The following PEX3 variants were observed in gnomAD, a reference collection of about 807,000 sequenced individuals.
PEX3 encodes the protein peroxin-3.
In PEX3, 30 loss-of-function variants were observed where a neutral mutation model predicts 55.8. That is an observed-to-expected ratio of 0.54 (90% CI 0.40 to 0.73). The LOEUF (loss-of-function observed/expected upper bound fraction) is 0.73, where lower values mean the gene tolerates loss of function less well. Among genes scored for constraint, PEX3 ranks in the 30% least tolerant of loss-of-function variants. The pLI, the probability that PEX3 is intolerant of heterozygous loss-of-function variation, is 0.00. For missense variants in PEX3, 351 were observed against 432.8 expected (o/e 0.81, Z 1.68); for synonymous variants, 135 against 148.4 (o/e 0.91, Z 0.66).
rs1780264957 is a variant in PEX3, at chr6:143,483,108, A to G, written c.942-2044A>G. 6.6e-6 allele frequency among the ~76,000 whole-genome samples: 1 copy of G among 152,142 alleles called. No homozygotes were observed. Among genetic ancestry groups the G allele is most frequent in the South Asian group, 2.1e-4 (1 of 4,828 alleles). On this transcript the variant is annotated intron_variant, in intron 10 of 11. Transcript: ENST00000367591. This position sits in a 1 kb window ranked among gnomAD's most constrained non-coding sequence, Gnocchi z 4.3. ...ACATCAGTTAAGGAAGCAAACACCT[A>G]AGGAAAGAAAAATTTTCTTTCTTAG...
chr6:143,487,352 T>C lies in PEX3; in HGVS notation c.1039-1791T>C, dbSNP rs922719230. The stretch of plus-strand genomic sequence containing the variant: ...CAAGCACCAGCTTTTGTAAGTTTTA[T>C]TGGGTGACAGCATGCCCATTGGTTT... On this transcript the variant is annotated intron_variant, in intron 11 of 11. Transcript: ENST00000367591. The surrounding 1 kb of genome is among the most constrained non-coding windows in gnomAD (Gnocchi z 5.3). Among the ~76,000 whole-genome samples the C allele has an allele frequency of 2.6e-5, 4 of 152,162 alleles. No homozygotes were observed. The highest frequency in any genetic ancestry group is 5.9e-5 in the Non-Finnish European group (4 of 67,992).
At position 143,453,326 on chromosome 6, in the gene PEX3, G is replaced by A. The variant is rs775706291; in HGVS notation, c.73+2211G>A. Among the ~76,000 whole-genome samples, 11 of 152,174 alleles carry A rather than the reference G, an allele frequency of 7.2e-5. No homozygotes were observed. In the South Asian group the frequency reaches 1.7e-3, roughly 23 times the overall value. ...CTGGGTAGTATATCAACAGGCATGCGCAGAGAAGTTTGGGCATTCAATAGT... is the reference window on the plus strand; with the variant it reads ...CTGGGTAGTATATCAACAGGCATGCACAGAGAAGTTTGGGCATTCAATAGT... On this transcript the variant is annotated intron_variant, in intron 1 of 11. Coordinates refer to ENST00000367591, the MANE Select transcript of PEX3 (RefSeq NM_003630.3). This position sits in a 1 kb window ranked among gnomAD's most constrained non-coding sequence, Gnocchi z 4.6.
chr6:143,480,597 C>T (rs1403777962), intron 10 of PEX3, among the ~76,000 whole-genome samples: 4 of 152,158 alleles, frequency 2.6e-5, no homozygotes, highest in Non-Finnish European at 5.9e-5. Flanking sequence ...TAGATATTTT[C>T]TATATAAGTT....
rs889174535 is a variant in PEX3 at position 143,450,834 on chromosome 6, C to G, written c.-209C>G. The G allele has an allele frequency of 2.6e-6, 2 of 755,168 alleles. No individual in the cohort carries two copies. Among genetic ancestry groups the G allele is most frequent in the Admixed American group, 4.5e-5 (2 of 44,544 alleles). The allele number at this position is 755,168 out of a possible 1,614,324, so 46.8% of individuals were successfully genotyped here. A position where few individuals can be genotyped will look rare whatever the true frequency, so the allele number is the denominator to read the frequency against. ...AGCGGCGGCGGCTGCGCGGCGGCAG[C>G]GGCAGAAAGCGTAGCTGCTTTGCTG... On this transcript the variant is annotated 5_prime_UTR_variant, in exon 1 of 12. Transcript: ENST00000367591.
rs1780347676 is a variant in PEX3 at position 143,488,531 on chromosome 6, A to C, written c.1039-612A>C. Among the ~76,000 whole-genome samples the C allele has an allele frequency of 6.6e-6, 1 of 152,080 alleles. No individual in the cohort carries two copies. Among genetic ancestry groups the C allele is most frequent in the Non-Finnish European group, 1.5e-5 (1 of 67,958 alleles). Reference sequence around the variant, plus strand: ...ATGCCTATGATTTCTATTGAAGACAAAGTCATACAACCTGCTAATATTATC... The same window carrying C: ...ATGCCTATGATTTCTATTGAAGACACAGTCATACAACCTGCTAATATTATC... On this transcript the variant is annotated intron_variant, in intron 11 of 11. Coordinates refer to ENST00000367591, the MANE Select transcript of PEX3 (RefSeq NM_003630.3). The surrounding 1 kb of genome is among the most constrained non-coding windows in gnomAD (Gnocchi z 4.9).
At position 143,487,659 on chromosome 6, in the gene PEX3, T is replaced by C. The variant is rs1780338842; in HGVS notation, c.1039-1484T>C. ...ATAATTTGTTGTGCCAAAGTGAATG[T>C]GGACCTGTCTGCTACTGTTCATGCT... On this transcript the variant is annotated intron_variant, in intron 11 of 11. Transcript: ENST00000367591. The surrounding 1 kb of genome is among the most constrained non-coding windows in gnomAD (Gnocchi z 5.3). Among the ~76,000 whole-genome samples the C allele has an allele frequency of 6.6e-6, 1 of 152,138 alleles. No individual in the cohort carries two copies. The highest frequency in any genetic ancestry group is 2.1e-4 in the South Asian group (1 of 4,832).
intron 9 of PEX3, among the ~76,000 whole-genome samples, chr6:143,477,239 AG>A (rs1396561955): frequency 6.6e-6 from 1 of 152,168 alleles, no homozygotes; most frequent in Non-Finnish European, 1.5e-5. Flanking sequence ...ACAGTATTTA[AG>A]GGGAATGTGG....
At chr6:143,455,337 C>T (rs990068371) in intron 1 of PEX3, among the ~76,000 whole-genome samples, 53 of 148,874 alleles carry the variant, frequency 3.6e-4, no homozygotes, top group African/African-American at 1.2e-3. Context: ...GGACTGCAGG[C>T]GCCCGCCACC....
In PEX3 at chr6:143,488,493, A is replaced by T. The variant is rs576734949; in HGVS notation, c.1039-650A>T. ...AGTTCTGATAACTTCCACAACTGTC[A>T]TATGACATGAAAATGCCTATGATTT... On this transcript the variant is annotated intron_variant, in intron 11 of 11. Coordinates refer to ENST00000367591, the MANE Select transcript of PEX3 (RefSeq NM_003630.3). The surrounding 1 kb of genome is among the most constrained non-coding windows in gnomAD (Gnocchi z 4.9). Among the ~76,000 whole-genome samples, 1 of 152,136 alleles carries T rather than the reference A, an allele frequency of 6.6e-6. No homozygotes were observed. Among genetic ancestry groups the T allele is most frequent in the Non-Finnish European group, 1.5e-5 (1 of 67,966 alleles).
rs161070 is a variant in PEX3 at position 143,464,348 on chromosome 6, A to G, written c.287+1351A>G. On this transcript the variant is annotated intron_variant, in intron 3 of 11. Coordinates refer to ENST00000367591, the MANE Select transcript of PEX3 (RefSeq NM_003630.3). The surrounding 1 kb of genome is among the most constrained non-coding windows in gnomAD (Gnocchi z 5.8). ...TGTTTCCTGCAAGGCCCTATGTTCC[A>G]TGTGCTTTAGGGGATTTAATAGTTA... Among the ~76,000 whole-genome samples, 14,018 of 151,998 alleles carry G rather than the reference A, an allele frequency of 0.092. 839 individuals carry two copies. Among genetic ancestry groups the G allele is most frequent in the East Asian group, 0.17 (887 of 5,170 alleles).
chr6:143,477,479 A>G (rs1780171055), intron 9 of PEX3, among the ~76,000 whole-genome samples: 1 of 152,162 alleles, frequency 6.6e-6, no homozygotes, highest in South Asian at 2.1e-4. Context: ...GGAGAAAGGA[A>G]TGAGATTCAA....
intron 4 of PEX3, among the ~76,000 whole-genome samples, chr6:143,469,365 A>G (rs927122115): frequency 6.6e-6 from 1 of 152,160 alleles, no homozygotes; most frequent in Non-Finnish European, 1.5e-5. Context: ...AATGATCGCC[A>G]TTCTAACTGG....
chr6:143,477,570 C>T (rs984668317), intron 9 of PEX3, among the ~76,000 whole-genome samples: 3 of 151,988 alleles, frequency 2.0e-5, no homozygotes, highest in Non-Finnish European at 2.9e-5. Flanking sequence ...ATGGGTGGGA[C>T]AAGTATGTGG....
intron 1 of PEX3, among the ~76,000 whole-genome samples, chr6:143,452,562 T>G (rs1312486658): frequency 1.3e-5 from 2 of 152,188 alleles, no homozygotes; most frequent in African/African-American, 4.8e-5. Flanking sequence ...AAGAGTATAC[T>G]TAAACTTATA....
rs549743559 is a variant in PEX3 at position 143,454,914 on chromosome 6, G to A, written c.73+3799G>A. On this transcript the variant is annotated intron_variant, in intron 1 of 11. Transcript: ENST00000367591. This position sits in a 1 kb window ranked among gnomAD's most constrained non-coding sequence, Gnocchi z 4.3. The stretch of plus-strand genomic sequence containing the variant: ...GAAAAGTAGCTAGAGTACAGATTGT[G>A]AAGGGCCTTATGAAGCCATTCTACA... Among the ~76,000 whole-genome samples, 5 of 152,338 alleles carry A rather than the reference G, an allele frequency of 3.3e-5. No homozygotes were observed. Among genetic ancestry groups the A allele is most frequent in the Admixed American group, 2.6e-4 (4 of 15,302 alleles).
chr6:143,487,293 A>G lies in PEX3; in HGVS notation c.1039-1850A>G, dbSNP rs1562659444. 6.6e-6 allele frequency among the ~76,000 whole-genome samples: 1 copy of G among 152,154 alleles called. No homozygotes were observed. The highest frequency in any genetic ancestry group is 1.5e-5 in the Non-Finnish European group (1 of 68,018). On this transcript the variant is annotated intron_variant, in intron 11 of 11. Coordinates refer to ENST00000367591, the MANE Select transcript of PEX3 (RefSeq NM_003630.3). This position sits in a 1 kb window ranked among gnomAD's most constrained non-coding sequence, Gnocchi z 5.3. ...TTAAAGTCTTTATTATAAAGCTGAT[A>G]TAAGTTAGCTATGACCTATGAGCCA...
rs1050448389 is a variant in PEX3, at chr6:143,459,320, T to G, written c.205+104T>G. The G allele has an allele frequency of 2.1e-6, 2 of 949,336 alleles. No individual in the cohort carries two copies. Among genetic ancestry groups the G allele is most frequent in the Admixed American group, 3.5e-5 (2 of 56,532 alleles). 58.8% of individuals were successfully genotyped at this position (949,336 alleles called of 1,614,324 possible). ...AGAGGAAAAGGCAAAGAAAAGATGG[T>G]AAATCTAGCAAGTGTTTGAATGATT... On this transcript the variant is annotated intron_variant, in intron 2 of 11. Transcript: ENST00000367591. The surrounding 1 kb of genome is among the most constrained non-coding windows in gnomAD (Gnocchi z 4.2).
rs563115431 is a variant in PEX3 at position 143,476,533 on chromosome 6, C to T, written c.818+1677C>T. Among the ~76,000 whole-genome samples, 1 of 152,302 alleles carries T rather than the reference C, an allele frequency of 6.6e-6. No individual in the cohort carries two copies. Among genetic ancestry groups the T allele is most frequent in the Admixed American group, 6.5e-5 (1 of 15,290 alleles). ...GAGTTGAAGTAGTCTAATCAAGAGA[C>T]AGTTGCAGTTTGAACTGGGTGGTAG... On this transcript the variant is annotated intron_variant, in intron 9 of 11. Transcript: ENST00000367591. The surrounding 1 kb of genome is among the most constrained non-coding windows in gnomAD (Gnocchi z 5.4).
In PEX3 at chr6:143,462,279, A is replaced by G. The variant is rs1324728972; in HGVS notation, c.206-637A>G. Among the ~76,000 whole-genome samples the G allele has an allele frequency of 6.6e-6, 1 of 152,200 alleles. No homozygotes were observed. The highest frequency in any genetic ancestry group is 1.5e-5 in the Non-Finnish European group (1 of 68,040). On this transcript the variant is annotated intron_variant, in intron 2 of 11. Coordinates refer to ENST00000367591, the MANE Select transcript of PEX3 (RefSeq NM_003630.3). This position sits in a 1 kb window ranked among gnomAD's most constrained non-coding sequence, Gnocchi z 4.1. Reference sequence around the variant, plus strand: ...CAACTTTTAGTTTCTAACCCAGTGCACTTTTATTTATGTTATAATAAATGT... The same window carrying G: ...CAACTTTTAGTTTCTAACCCAGTGCGCTTTTATTTATGTTATAATAAATGT...
Sources: gnomAD v4.1 joint callset for allele counts (sites outside exome capture counted in the v4.1 genomes callset) on GRCh38, gnomAD v4.1.1 for gene constraint, Gnocchi (gnomAD v3.1) non-coding constraint, MANE v1.5 for transcripts, NCBI Gene and HGNC (gene_info 2026-07-23, HGNC 2026-07-21) for gene names.